The following PPIP5K1 variants were observed in gnomAD, a reference collection of about 807,000 sequenced individuals.
PPIP5K1 encodes inositol hexakisphosphate and diphosphoinositol-pentakisphosphate kinase 1.
In PPIP5K1, 6 loss-of-function variants were observed where a neutral mutation model predicts 27.7. The ratio of observed to expected loss-of-function variants is 0.22; its 90% confidence interval spans 0.12 to 0.43. The LOEUF is 0.43. Among genes scored for constraint, PPIP5K1 ranks in the 20% least tolerant of loss-of-function variants. PPIP5K1 has a pLI of 1.00. For missense variants in PPIP5K1, 394 were observed against 635.4 expected, an observed-to-expected ratio of 0.62 and a Z score of 4.08; for synonymous variants, 145 against 242.6, an observed-to-expected ratio of 0.60 and a Z score of 3.74.
chr15:43,536,693 T>C (rs977754522), intron 31 of PPIP5K1, among the ~76,000 whole-genome samples: 1 of 152,140 alleles, frequency 6.6e-6, no homozygotes, highest in African/African-American at 2.4e-5. Context: ...GTGCATATTA[T>C]ATACACGGAA....
intron 30 of PPIP5K1, among the ~76,000 whole-genome samples, chr15:43,542,825 G>C (rs919686791): frequency 1.3e-5 from 2 of 151,708 alleles, no homozygotes; most frequent in African/African-American, 4.8e-5. Context: ...AGGACTATAG[G>C]TGTGTGCCAT....
chr15:43,551,517 C>CA (rs36075809), intron 30 of PPIP5K1, among the ~76,000 whole-genome samples: 17 of 115,488 alleles, frequency 1.5e-4, no homozygotes, highest in Non-Finnish European at 1.7e-4. Flanking sequence ...GACTCTGTCT[C>CA]AAAAAAAAAA....
Position 43,540,902 on chromosome 15 carries a change from T to C in PPIP5K1, c.3557-1319A>G, listed in dbSNP as rs371082407. Among the ~76,000 whole-genome samples, 7 of 143,886 alleles carry C rather than the reference T, an allele frequency of 4.9e-5. No individual in the cohort carries two copies. In the East Asian group the frequency reaches 1.0e-3, roughly 21 times the overall value. 94.4% of individuals were successfully genotyped at this position (143,886 alleles called of 152,430 possible). A position where few individuals can be genotyped will look rare whatever the true frequency, so the allele number is the denominator to read the frequency against. On this transcript the variant is annotated intron_variant, in intron 30 of 31. Transcript: ENST00000420765. ...AAAAAGAGAAGAGAAAAGATATATA[T>C]AAAGAAATTTTTCCAACATAGCCAA... is the stretch of plus-strand genomic sequence containing the variant.
chr15:43,558,717 A>T, intron 30 of PPIP5K1, 78 bp downstream of exon 30: 1 of 1,571,500 alleles, frequency 6.4e-7, no homozygotes, highest in South Asian at 1.1e-5. Context: ...CTAGCTTTCT[A>T]ATTTACTACT....
intron 10 of PPIP5K1, among the ~76,000 whole-genome samples, chr15:43,579,564 CGT>C (rs2084740662): frequency 1.7e-5 from 1 of 59,242 alleles, no homozygotes; most frequent in Non-Finnish European, 2.5e-5. Context: ...TACATATATA[CGT>C]ACATATATAC....
At chr15:43,535,497 A>G in intron 31 of PPIP5K1, 21 bp from the exon 32 acceptor site, 1 of 1,531,034 alleles carries the variant, frequency 6.5e-7, no homozygotes, top group Non-Finnish European at 8.8e-7. Context: ...AAGTCAAGAG[A>G]TCAAGTTAGA....
chr15:43,551,796 G>C (rs1440704289), intron 30 of PPIP5K1, among the ~76,000 whole-genome samples: 1 of 151,018 alleles, frequency 6.6e-6, no homozygotes, highest in Non-Finnish European at 1.5e-5. Flanking sequence ...GTAGAGACGG[G>C]GTTTCACCGT....
chr15:43,541,116 T>C (rs900363070), intron 30 of PPIP5K1, among the ~76,000 whole-genome samples: 2 of 152,102 alleles, frequency 1.3e-5, no homozygotes. Context: ...CCTCTCCTTT[T>C]TTCATAGTAA....
intron 30 of PPIP5K1, among the ~76,000 whole-genome samples, chr15:43,541,631 C>T (rs2080730429): frequency 6.6e-6 from 1 of 151,634 alleles, no homozygotes; most frequent in Admixed American, 6.6e-5. Flanking sequence ...GCAGGAGAAT[C>T]ACTTGAACCT....
intron 30 of PPIP5K1, among the ~76,000 whole-genome samples, chr15:43,556,540 CAA>C (rs34579673): frequency 8.4e-5 from 11 of 130,492 alleles, no homozygotes; most frequent in Non-Finnish European, 1.2e-4. Context: ...AACTCCATCT[CAA>C]AAAAAAAAAA....
intron 30 of PPIP5K1, among the ~76,000 whole-genome samples, chr15:43,556,442 G>C (rs2082960476): frequency 6.6e-6 from 1 of 151,656 alleles, no homozygotes; most frequent in South Asian, 2.1e-4. Context: ...TCCAAGACCA[G>C]CCTGGCCAAC....
intron 30 of PPIP5K1, among the ~76,000 whole-genome samples, chr15:43,552,398 C>T (rs1169902563): frequency 6.6e-6 from 1 of 151,818 alleles, no homozygotes; most frequent in Non-Finnish European, 1.5e-5. Context: ...TTCTTCGACT[C>T]ATTTGTCATT....
rs765064975 is a variant in PPIP5K1, at chr15:43,534,839, G to T, written c.4308C>A (p.Val1436=). The T allele has an allele frequency of 6.2e-7, 1 of 1,612,826 alleles. No individual in the cohort carries two copies. Among genetic ancestry groups the T allele is most frequent in the Admixed American group, 1.7e-5 (1 of 59,956 alleles). ...GSPAEEIPEE[V]IQPYQEFSVE... ...CAGAGAACTCCTGGTATGGCTGGAT[G>T]ACCTCCTCAGGGATCTCTTCAGCTG... The change falls in exon 32 of 32, where the codon GTC becomes GTA. Residue 1436 remains valine, a synonymous_variant. Transcript: ENST00000420765.
intron 30 of PPIP5K1, among the ~76,000 whole-genome samples, chr15:43,542,406 C>T (rs947164037): frequency 2.6e-5 from 4 of 151,340 alleles, no homozygotes; most frequent in African/African-American, 9.7e-5. Context: ...ATCCTCCAAC[C>T]TCAGCTTCCT....
Position 43,534,804 on chromosome 15 carries a change from C to A in PPIP5K1, c.4343G>T (p.Gly1448Val), listed in dbSNP as rs781626604. ...CGCAGAAGTCTCCTGGGCCAGCCTGCCAACCTCCACAGAGAACTCCTGGTA... is the reference window on the plus strand; with the variant it reads ...CGCAGAAGTCTCCTGGGCCAGCCTGACAACCTCCACAGAGAACTCCTGGTA... ...QPYQEFSVEV[G>V]RLAQETSAIN... Residue 1448 changes from glycine (G) to valine (V), a missense_variant, in exon 32 of 32, where the codon GGC (glycine) becomes GTC (valine). Transcript: ENST00000420765. 6.2e-7 allele frequency: 1 copy of A among 1,603,238 alleles called. No homozygotes were observed. Among genetic ancestry groups the A allele is most frequent in the Non-Finnish European group, 8.5e-7 (1 of 1,174,636 alleles).
intron 30 of PPIP5K1, among the ~76,000 whole-genome samples, chr15:43,541,323 G>C (rs2080674611): frequency 6.6e-6 from 1 of 152,076 alleles, no homozygotes; most frequent in South Asian, 2.1e-4. Context: ...ATGCTGCCTA[G>C]GCTGATCTTG....
At chr15:43,549,662 AT>A (rs1331884338) in intron 30 of PPIP5K1, among the ~76,000 whole-genome samples, 2 of 151,152 alleles carry the variant, frequency 1.3e-5, no homozygotes, top group African/African-American at 2.4e-5. Context: ...TAAAAAAAAA[AT>A]CTTTATACAA....
chr15:43,536,469 T>C (rs1595680793), intron 31 of PPIP5K1, among the ~76,000 whole-genome samples: 4 of 151,300 alleles, frequency 2.6e-5, no homozygotes, highest in African/African-American at 9.7e-5. Context: ...AAGATGGCCA[T>C]GGAATTTCTA....
At chr15:43,556,540 C>CAAA (rs34579673) in intron 30 of PPIP5K1, among the ~76,000 whole-genome samples, 5 of 130,560 alleles carry the variant, frequency 3.8e-5, no homozygotes, top group South Asian at 2.4e-4. Flanking sequence ...AACTCCATCT[C>CAAA]AAAAAAAAAA....
Sources: allele counts gnomAD v4.1 joint callset (sites outside exome capture counted in the v4.1 genomes callset), GRCh38; gene constraint gnomAD v4.1.1; transcripts MANE v1.5; gene names NCBI Gene and HGNC (gene_info 2026-07-23, HGNC 2026-07-21).